The following DHRSX variants were observed in gnomAD, a reference collection of about 807,000 sequenced individuals.
DHRSX encodes polyprenol dehydrogenase.
A neutral mutation model predicts 34.0 loss-of-function variants in DHRSX; 31 were observed. The observed-to-expected ratio is 0.91, with a 90% CI of 0.69 to 1.23. The LOEUF is 1.23. DHRSX is among the 50% of genes most tolerant of loss of function. The pLI is 0.00. For synonymous variants in DHRSX, 201 were observed against 183.8 expected, an observed-to-expected ratio of 1.09 and a Z score of -0.76; for missense variants, 414 against 428.1, an observed-to-expected ratio of 0.97 and a Z score of 0.29.
In DHRSX at chrX:2,488,480, T is replaced by C. The variant is rs957878423; in HGVS notation, c.109+12337A>G. 4 of 1,055,084 alleles carry C rather than the reference T, an allele frequency of 3.8e-6. No individual in the cohort carries two copies. In the African/African-American group the frequency reaches 6.5e-5, roughly 17 times the overall value. 65.4% of individuals were successfully genotyped at this position (1,055,084 alleles called of 1,614,324 possible). A position where few individuals can be genotyped will look rare whatever the true frequency, so the allele number is the denominator to read the frequency against. The stretch of plus-strand genomic sequence containing the variant: ...AGGAGCCACCGCCCCCGACCCTCTC[T>C]CACTTCTCAAATCTCTTTCCTTTTT... On this transcript the variant is annotated intron_variant, in intron 1 of 6. Coordinates refer to ENST00000334651, the MANE Select transcript of DHRSX (RefSeq NM_145177.3).
At chrX:2,271,011 A>C (rs956484223) in intron 4 of DHRSX, among the ~76,000 whole-genome samples, 5 of 152,228 alleles carry the variant, frequency 3.3e-5, no homozygotes, top group Non-Finnish European at 5.9e-5. Context: ...AAATAAGGGA[A>C]TAAAAGCTGG....
chrX:2,225,331 C>T (rs1338369488), intron 6 of DHRSX, among the ~76,000 whole-genome samples: 1 of 151,528 alleles, frequency 6.6e-6, no homozygotes, highest in Non-Finnish European at 1.5e-5. Flanking sequence ...CATGCACGCA[C>T]CCTCATTCAC....
intron 1 of DHRSX, among the ~76,000 whole-genome samples, chrX:2,496,982 T>C (rs2045302354): frequency 6.6e-6 from 1 of 151,834 alleles, no homozygotes; most frequent in Non-Finnish European, 1.5e-5. Flanking sequence ...TTTAAATAGA[T>C]TGTTAAATAT....
Position 2,305,504 on chromosome X carries a change from G to A in DHRSX, c.287-13901C>T, listed in dbSNP as rs776126203. On this transcript the variant is annotated intron_variant, in intron 3 of 6. Coordinates refer to ENST00000334651, the MANE Select transcript of DHRSX (RefSeq NM_145177.3). ...CCCATGACTGGGTATATACCCAAAG[G>A]ATTATAAATCATCCTACTATAAAGA... 1.3e-3 allele frequency among the ~76,000 whole-genome samples: 199 copies of A among 152,076 alleles called. 1 individual carries two copies. The highest frequency in any genetic ancestry group is 2.5e-3 in the Non-Finnish European group (167 of 68,010).
chrX:2,272,020 G>A (rs1395391834), intron 4 of DHRSX, among the ~76,000 whole-genome samples: 4 of 152,118 alleles, frequency 2.6e-5, no homozygotes, highest in South Asian at 2.1e-4. Context: ...CAGCCTGGGC[G>A]AAAGAGTGAG....
intron 3 of DHRSX, among the ~76,000 whole-genome samples, chrX:2,375,034 A>G: frequency 7.2e-6 from 1 of 138,180 alleles, no homozygotes; most frequent in Non-Finnish European, 1.7e-5. Context: ...GCACCACTAC[A>G]CTCCAGCCTG....
At chrX:2,332,168 T>A (rs902336361) in intron 3 of DHRSX, among the ~76,000 whole-genome samples, 1 of 152,124 alleles carries the variant, frequency 6.6e-6, no homozygotes, top group African/African-American at 2.4e-5. Context: ...CTCAGAAGGA[T>A]GATGCATTTG....
chrX:2,353,676 C>T (rs903480088), intron 3 of DHRSX, among the ~76,000 whole-genome samples: 7 of 151,446 alleles, frequency 4.6e-5, no homozygotes, highest in African/African-American at 1.2e-4. Flanking sequence ...CTCCGCCTCC[C>T]GGGTTCAAGC....
At chrX:2,282,779 A>T (rs1336900067) in intron 4 of DHRSX, among the ~76,000 whole-genome samples, 1 of 36,050 alleles carries the variant, frequency 2.8e-5, no homozygotes, top group Non-Finnish European at 6.5e-5. Flanking sequence ...CGAGGGAGGG[A>T]GGGGGAGAGA....
At chrX:2,352,287 G>C (rs2042797722) in intron 3 of DHRSX, among the ~76,000 whole-genome samples, 1 of 152,100 alleles carries the variant, frequency 6.6e-6, no homozygotes, top group Non-Finnish European at 1.5e-5. Flanking sequence ...TTGCAAAGAA[G>C]CGAATGGGAT....
At chrX:2,478,817 C>T (rs1459808888) in intron 1 of DHRSX, among the ~76,000 whole-genome samples, 1 of 151,380 alleles carries the variant, frequency 6.6e-6, no homozygotes, top group South Asian at 2.1e-4. Context: ...GGGACCACCA[C>T]CATGTAAGAA....
intron 3 of DHRSX, among the ~76,000 whole-genome samples, chrX:2,402,184 T>C (rs1300666713): frequency 1.6e-4 from 25 of 152,192 alleles, no homozygotes; most frequent in African/African-American, 5.1e-4. Flanking sequence ...GTGAGCCGAC[T>C]TGCTTAAAAA....
chrX:2,401,940 T>C (rs2043490829), intron 3 of DHRSX, among the ~76,000 whole-genome samples: 1 of 152,194 alleles, frequency 6.6e-6, no homozygotes, highest in African/African-American at 2.4e-5. Flanking sequence ...TAGCCGTCCT[T>C]CTGTGGGCAC....
At chrX:2,228,517 G>A (rs1569476846) in intron 6 of DHRSX, among the ~76,000 whole-genome samples, 1 of 135,886 alleles carries the variant, frequency 7.4e-6, no homozygotes. Context: ...AAAAAGGGAG[G>A]CAAAAGGAAG....
intron 3 of DHRSX, among the ~76,000 whole-genome samples, chrX:2,317,019 G>A (rs1339989138): frequency 5.3e-5 from 8 of 152,122 alleles, no homozygotes; most frequent in African/African-American, 9.7e-5. Flanking sequence ...GTGCAATGGC[G>A]CCATCTCGGC....
At chrX:2,436,703 T>C (rs5939314) in intron 1 of DHRSX, among the ~76,000 whole-genome samples, 85,949 of 150,876 alleles carry the variant, frequency 0.57, 24,850 homozygotes, top group East Asian at 0.84. Flanking sequence ...TGCTCCATTG[T>C]TCAGGCTGAT....
chrX:2,381,309 C>T (rs1439962899), intron 3 of DHRSX, among the ~76,000 whole-genome samples: 1 of 152,158 alleles, frequency 6.6e-6, no homozygotes, highest in Admixed American at 6.5e-5. Flanking sequence ...CTCCCTCGAC[C>T]CTTCTGCCAC....
rs72109076 is a variant in DHRSX at position 2,227,357 on chromosome X, GGAA to G, written c.805-6131_805-6129del. Among the ~76,000 whole-genome samples, 782 of 143,160 alleles carry G rather than the reference GGAA, an allele frequency of 5.5e-3. 5 individuals are homozygous for G. Among genetic ancestry groups the G allele is most frequent in the African/African-American group, 0.022 (756 of 33,700 alleles). 93.9% of individuals were successfully genotyped at this position (143,160 alleles called of 152,430 possible). ...AGAAAGAGAAGGAGAAAGAAAAAGA[GGAA>G]GAAGAAAGGAGGAAATAGAGAAAGG... On this transcript the variant is annotated intron_variant, in intron 6 of 6. Coordinates refer to ENST00000334651, the MANE Select transcript of DHRSX (RefSeq NM_145177.3).
At chrX:2,226,759 C>A (rs2015672353) in intron 6 of DHRSX, among the ~76,000 whole-genome samples, 3 of 151,618 alleles carry the variant, frequency 2.0e-5, no homozygotes, top group Non-Finnish European at 4.4e-5. Context: ...GGCGCCACTG[C>A]ACTCCAGCCT....
Sources: gnomAD v4.1 joint callset for allele counts (sites outside exome capture counted in the v4.1 genomes callset) on GRCh38, gnomAD v4.1.1 for gene constraint, MANE v1.5 for transcripts, NCBI Gene and HGNC (gene_info 2026-07-23, HGNC 2026-07-21) for gene names.